Variants in GRB10 observed in about 807,000 individuals in gnomAD.
GRB10 encodes growth factor receptor bound protein 10.
A neutral mutation model predicts 80.9 loss-of-function variants in GRB10; 20 were observed. That is an observed-to-expected ratio of 0.25 (90% CI 0.17 to 0.36). GRB10 has a LOEUF of 0.36. GRB10 is among the 10% of genes least tolerant of loss of function. GRB10 has a pLI of 1.00. For missense variants in GRB10, 548 were observed against 747.7 expected (o/e 0.73, Z 3.12); for synonymous variants, 291 against 291.5 (o/e 1.00, Z 0.02).
At chr7:50,710,987 G>A in intron 4 of GRB10, 1 of 1,209,010 alleles carries the variant, frequency 8.3e-7, no homozygotes, top group East Asian at 2.3e-5. Flanking sequence ...AATATTTTCA[G>A]AACCTGGAGA....
rs749525996 is a variant in GRB10 at position 50,593,101 on chromosome 7, GGA to G, written c.1639-5_1639-4del. ...AACGTCTGCCCGTCGTCCTCGCACT[GGA>G]GAGACACAAGAACACTTGCCAGGTT... On this transcript the variant is annotated splice_polypyrimidine_tract_variant and splice_region_variant and intron_variant, in intron 18 of 18. Coordinates refer to ENST00000401949, the MANE Select transcript of GRB10 (RefSeq NM_001350814.2). The G allele has an allele frequency of 1.9e-6, 3 of 1,614,108 alleles. No homozygotes were observed. Among genetic ancestry groups the G allele is most frequent in the Middle Eastern group, 1.6e-4 (1 of 6,062 alleles).
intron 7 of GRB10, among the ~76,000 whole-genome samples, chr7:50,652,649 A>T (rs940729430): frequency 6.6e-5 from 10 of 152,204 alleles, no homozygotes; most frequent in Non-Finnish European, 1.0e-4. Context: ...GGATTCTGAG[A>T]CTTCCGCTGC....
At chr7:50,618,423 C>T (rs1025599918) in intron 9 of GRB10, among the ~76,000 whole-genome samples, 1 of 152,192 alleles carries the variant, frequency 6.6e-6, no homozygotes, top group Non-Finnish European at 1.5e-5. Context: ...GCGATGCCAG[C>T]GTCCCAGCCC....
At chr7:50,634,047 G>C (rs1246420579) in intron 7 of GRB10, among the ~76,000 whole-genome samples, 4 of 152,172 alleles carry the variant, frequency 2.6e-5, no homozygotes, top group Non-Finnish European at 5.9e-5. Flanking sequence ...GAACCCATTA[G>C]AGATACTACA....
intron 4 of GRB10, among the ~76,000 whole-genome samples, chr7:50,720,215 T>C (rs969187179): frequency 6.6e-6 from 1 of 152,224 alleles, no homozygotes; most frequent in African/African-American, 2.4e-5. Flanking sequence ...TAGGAAAACC[T>C]CACAAAAGTT....
At chr7:50,689,516 G>C (rs1324117183) in intron 5 of GRB10, among the ~76,000 whole-genome samples, 1 of 151,904 alleles carries the variant, frequency 6.6e-6, no homozygotes, top group Non-Finnish European at 1.5e-5. Context: ...GGGATGGGGG[G>C]ACCACAAGGC....
At chr7:50,746,483 G>C (rs565275290) in intron 3 of GRB10, among the ~76,000 whole-genome samples, 123 of 152,232 alleles carry the variant, frequency 8.1e-4, no homozygotes, top group African/African-American at 2.8e-3. Context: ...GGATTCTAAT[G>C]AAATAAGGGA....
chr7:50,727,001 T>C (rs186964406), intron 4 of GRB10: 3 of 152,286 alleles, frequency 2.0e-5, no homozygotes, highest in East Asian at 1.9e-4. Flanking sequence ...CCGCGTAGCA[T>C]TGGCAGGAGA....
At chr7:50,612,987 G>T (rs1476461773) in intron 12 of GRB10, 148 bp from the exon 13 acceptor site, 1 of 699,278 alleles carries the variant, frequency 1.4e-6, no homozygotes, top group African/African-American at 1.8e-5. Flanking sequence ...ACACACCTGT[G>T]TGTTAAGCGT....
At chr7:50,704,084 T>G (rs1010264383) in intron 4 of GRB10, among the ~76,000 whole-genome samples, 176 bp from the exon 5 acceptor site, 2 of 152,252 alleles carry the variant, frequency 1.3e-5, no homozygotes, top group Non-Finnish European at 2.9e-5. Context: ...TAAGGGAAGC[T>G]AATCATGAAA....
chr7:50,760,197 G>C (rs1024270066), intron 2 of GRB10, among the ~76,000 whole-genome samples: 4 of 152,224 alleles, frequency 2.6e-5, no homozygotes, highest in African/African-American at 9.7e-5. Context: ...AGAGCGGTGA[G>C]AGGCAGGATA....
At chr7:50,774,920 G>T (rs934761355) in intron 2 of GRB10, among the ~76,000 whole-genome samples, 1 of 151,048 alleles carries the variant, frequency 6.6e-6, no homozygotes, top group African/African-American at 2.4e-5. Context: ...GAGGCGGCCG[G>T]ACTTCTTGAG....
intron 5 of GRB10, among the ~76,000 whole-genome samples, chr7:50,679,697 G>A (rs1426296256): frequency 6.6e-6 from 1 of 151,970 alleles, no homozygotes; most frequent in East Asian, 1.9e-4. Flanking sequence ...CTGGGGTGGG[G>A]GTATATCATT....
chr7:50,718,379 C>A (rs1253311941), intron 4 of GRB10, among the ~76,000 whole-genome samples: 1 of 152,166 alleles, frequency 6.6e-6, no homozygotes, highest in Non-Finnish European at 1.5e-5. Flanking sequence ...GCCTCCAACT[C>A]CTCCTTATCC....
chr7:50,595,506 C>T lies in GRB10; in HGVS notation c.1569G>A (p.Gln523=), dbSNP rs2046465038. ...VDGLFLLRDS[Q]SNPKAFVLTL... ...TGAGTACAAATGCCTTTGGATTACT[C>T]TGGCTGTCACGGAGGAGAAAAAGCC... is the stretch of plus-strand genomic sequence containing the variant. The change falls in exon 18 of 19, where the codon CAG becomes CAA. Residue 523 remains glutamine (Q), a synonymous_variant. Transcript: ENST00000401949. 11 of 1,610,690 alleles carry T rather than the reference C, an allele frequency of 6.8e-6. No homozygotes were observed. The highest frequency in any genetic ancestry group is 1.3e-5 in the African/African-American group (1 of 74,794).
chr7:50,776,533 TG>T (rs2077673214), intron 2 of GRB10, among the ~76,000 whole-genome samples: 1 of 152,198 alleles, frequency 6.6e-6, no homozygotes. Flanking sequence ...TGCTTCCCTT[TG>T]GATTATAAAT....
intron 2 of GRB10, among the ~76,000 whole-genome samples, chr7:50,768,608 A>T (rs2076627256): frequency 6.6e-6 from 1 of 152,160 alleles, no homozygotes; most frequent in African/African-American, 2.4e-5. Flanking sequence ...ATGCTCCCTA[A>T]TCTGGTTTCT....
At chr7:50,688,014 A>C (rs985645842) in intron 5 of GRB10, among the ~76,000 whole-genome samples, 64 of 152,324 alleles carry the variant, frequency 4.2e-4, no homozygotes, top group African/African-American at 1.5e-3. Context: ...GAAACCGTGG[A>C]GGGGAGGGAG....
chr7:50,710,852 T>C (rs1563545977), intron 4 of GRB10: 2 of 1,611,960 alleles, frequency 1.2e-6, no homozygotes, highest in African/African-American at 2.7e-5. Flanking sequence ...GTACTGAGTG[T>C]TCGGTAGACA....
Sources: gnomAD v4.1 joint callset for allele counts (sites outside exome capture counted in the v4.1 genomes callset) on GRCh38, gnomAD v4.1.1 for gene constraint, MANE v1.5 for transcripts, NCBI Gene and HGNC (gene_info 2026-07-23, HGNC 2026-07-21) for gene names.